Variants in SPAG17 observed in about 807,000 individuals in gnomAD.
SPAG17 encodes sperm-associated antigen 17.
Under a neutral mutation model 273.6 loss-of-function variants are expected in SPAG17, and 169 were observed. The observed-to-expected ratio is 0.62, with a 90% CI of 0.55 to 0.70. The LOEUF is 0.70. Ranked by LOEUF, SPAG17 falls within the 30% of genes least tolerant of loss-of-function variation. The probability of loss-of-function intolerance (pLI) is 0.00; values close to 1 mark genes in which losing one functional copy is unlikely to be tolerated. For synonymous variants in SPAG17, 825 were observed against 873.2 expected (o/e 0.94, Z 0.97); for missense variants, 2,557 against 2,627.8 (o/e 0.97, Z 0.59).
chr1:118,171,763 C>T (rs1242352803), intron 1 of SPAG17, among the ~76,000 whole-genome samples: 1 of 151,962 alleles, frequency 6.6e-6, no homozygotes, highest in East Asian at 1.9e-4. Flanking sequence ...TAGAGAGTGA[C>T]GTAAGAGACC....
chr1:118,046,329 C>A (rs1162951238), intron 20 of SPAG17, among the ~76,000 whole-genome samples: 1 of 151,516 alleles, frequency 6.6e-6, no homozygotes, highest in East Asian at 1.9e-4. Context: ...AGAGTGAGAC[C>A]CTTTTCCCAA....
chr1:118,002,250 G>T (rs1658368650), intron 32 of SPAG17, among the ~76,000 whole-genome samples: 1 of 152,108 alleles, frequency 6.6e-6, no homozygotes. Flanking sequence ...CAATTACGTG[G>T]TCAATTGTAA....
chr1:118,078,996 G>C lies in SPAG17; in HGVS notation c.2209+2105C>G, dbSNP rs566359496. Among the ~76,000 whole-genome samples, 4 of 151,896 alleles carry C rather than the reference G, an allele frequency of 2.6e-5. 1 individual carries two copies. The South Asian group carries it at 8.3e-4, about 32-fold the overall frequency. On this transcript the variant is annotated intron_variant, in intron 15 of 48. Coordinates refer to ENST00000336338, the MANE Select transcript of SPAG17 (RefSeq NM_206996.4). ...ATTTAGAATTTTTGCATCTATGTTC[G>C]TGAATGAGTTTAATTTAATGAATTA...
chr1:118,140,218 G>A (rs1252820780), intron 3 of SPAG17, among the ~76,000 whole-genome samples: 3 of 152,000 alleles, frequency 2.0e-5, no homozygotes, highest in Admixed American at 2.0e-4. Context: ...TACAGACTAA[G>A]ACAATAGTCA....
rs182915609 is a variant in SPAG17 at position 118,105,457 on chromosome 1, C to T, written c.448-3531G>A. 3.4e-3 allele frequency among the ~76,000 whole-genome samples: 511 copies of T among 152,130 alleles called. 5 individuals carry two copies. Among genetic ancestry groups the T allele is most frequent in the Admixed American group, 0.025 (382 of 15,256 alleles). ...AAAATGATGGATCACTGAGTTCATCCTGGGAGGGGTTTTGCGAAATGATTG... is the reference window on the plus strand; with the variant it reads ...AAAATGATGGATCACTGAGTTCATCTTGGGAGGGGTTTTGCGAAATGATTG... On this transcript the variant is annotated intron_variant, in intron 4 of 48. Coordinates refer to ENST00000336338, the MANE Select transcript of SPAG17 (RefSeq NM_206996.4).
Position 118,054,102 on chromosome 1 carries a change from A to G in SPAG17, c.2723-9T>C, listed in dbSNP as rs1226901815. The stretch of plus-strand genomic sequence containing the variant: ...GCTGATTCCTTTGTTACCTATAATC[A>G]GATAAAATTAAACTTCTTAGTAACT... On this transcript the variant is annotated splice_polypyrimidine_tract_variant and intron_variant, in intron 19 of 48. Coordinates refer to ENST00000336338, the MANE Select transcript of SPAG17 (RefSeq NM_206996.4). 6.4e-7 allele frequency: 1 copy of G among 1,567,032 alleles called. No homozygotes were observed. The highest frequency in any genetic ancestry group is 1.4e-5 in the African/African-American group (1 of 73,732).
At position 118,140,110 on chromosome 1, in the gene SPAG17, G is replaced by T. The variant is rs565987489; in HGVS notation, c.315+10433C>A. 1.6e-3 allele frequency among the ~76,000 whole-genome samples: 242 copies of T among 152,196 alleles called. 1 individual carries two copies. The highest frequency in any genetic ancestry group is 5.4e-3 in the African/African-American group (224 of 41,524). ...GGAAGAAGGCTCCCACCAGATGGGTGCCCTTGACCTGAGACTTCTCAGCCT... is the reference window on the plus strand; with the variant it reads ...GGAAGAAGGCTCCCACCAGATGGGTTCCCTTGACCTGAGACTTCTCAGCCT... On this transcript the variant is annotated intron_variant, in intron 3 of 48. Coordinates refer to ENST00000336338, the MANE Select transcript of SPAG17 (RefSeq NM_206996.4).
chr1:118,147,991 G>A (rs115284495), intron 3 of SPAG17, among the ~76,000 whole-genome samples: 1 of 152,130 alleles, frequency 6.6e-6, no homozygotes, highest in Non-Finnish European at 1.5e-5. Context: ...TAAAGCTAAC[G>A]AGAGTACCCT....
intron 28 of SPAG17, among the ~76,000 whole-genome samples, chr1:118,021,426 G>A (rs925667757): frequency 6.6e-6 from 1 of 152,076 alleles, no homozygotes; most frequent in Admixed American, 6.5e-5. Flanking sequence ...TTCAGGATGG[G>A]TGGAATAAGA....
chr1:118,105,145 A>G (rs772015064), intron 4 of SPAG17, among the ~76,000 whole-genome samples: 25 of 152,152 alleles, frequency 1.6e-4, no homozygotes, highest in Admixed American at 3.3e-4. Flanking sequence ...AAACAGAGAC[A>G]TCTTGATGGT....
At chr1:118,034,353 GTGGC>G (rs1648822575) in intron 24 of SPAG17, among the ~76,000 whole-genome samples, 2 of 152,176 alleles carry the variant, frequency 1.3e-5, no homozygotes, top group Non-Finnish European at 2.9e-5. Flanking sequence ...ACAGTCTACT[GTGGC>G]TATACTGAAC....
intron 30 of SPAG17, among the ~76,000 whole-genome samples, chr1:118,008,968 ACTCAATG>A (rs1234911744): frequency 1.3e-5 from 2 of 152,088 alleles, no homozygotes; most frequent in Non-Finnish European, 2.9e-5. Flanking sequence ...TCAATATTAT[ACTCAATG>A]CTGCAAGTCA....
At chr1:118,060,490 AATC>A (rs1652168799) in intron 18 of SPAG17, among the ~76,000 whole-genome samples, 1 of 152,178 alleles carries the variant, frequency 6.6e-6, no homozygotes, top group South Asian at 2.1e-4. Context: ...TCCATTAATG[AATC>A]ATCACAACTA....
Position 118,008,004 on chromosome 1 carries a change from C to T in SPAG17, c.4587+40G>A, listed in dbSNP as rs767903558. On this transcript the variant is annotated intron_variant, in intron 31 of 48. Coordinates refer to ENST00000336338, the MANE Select transcript of SPAG17 (RefSeq NM_206996.4). ...AAGTGGGTTTTCTCAGCTGAATAGA[C>T]ACTCATCTTTGGCGCTTCTCATTTT... 2.5e-6 allele frequency: 4 copies of T among 1,611,450 alleles called. No individual in the cohort carries two copies. In the African/African-American group the frequency reaches 5.3e-5, roughly 22 times the overall value.
chr1:118,039,066 C>T lies in SPAG17; in HGVS notation c.3319+226G>A, dbSNP rs76756102. ...ACTTCTGTTCAATTTCATCATGAAC[C>T]TAAAACTGCTATAAAAAATAAAGTC... On this transcript the variant is annotated intron_variant, in intron 23 of 48. Transcript: ENST00000336338. Among the ~76,000 whole-genome samples, 473 of 152,038 alleles carry T rather than the reference C, an allele frequency of 3.1e-3. 4 individuals carry two copies. The highest frequency in any genetic ancestry group is 0.011 in the African/African-American group (449 of 41,480).
chr1:118,097,220 A>G (rs910065298), intron 7 of SPAG17, among the ~76,000 whole-genome samples: 1 of 140,400 alleles, frequency 7.1e-6, no homozygotes, highest in Non-Finnish European at 1.6e-5. Flanking sequence ...ACAGAGCAAG[A>G]CTGTCTCAAA....
At chr1:117,978,283 C>G (rs1655353234) in intron 43 of SPAG17, among the ~76,000 whole-genome samples, 1 of 152,160 alleles carries the variant, frequency 6.6e-6, no homozygotes. Context: ...TTCCCCACAC[C>G]AAACCTATCA....
At chr1:118,005,145 C>T (rs1421136627) in intron 32 of SPAG17, among the ~76,000 whole-genome samples, 1 of 152,190 alleles carries the variant, frequency 6.6e-6, no homozygotes, top group African/African-American at 2.4e-5. Flanking sequence ...CAGATGTCTG[C>T]TACTGTTTCT....
At chr1:118,152,099 C>T (rs181315407) in intron 1 of SPAG17, among the ~76,000 whole-genome samples, 541 of 152,238 alleles carry the variant, frequency 3.6e-3, no homozygotes, top group Non-Finnish European at 5.8e-3. Flanking sequence ...AAGCTACTCA[C>T]GCAAATCAGT....
Sources: gnomAD v4.1 joint callset for allele counts (sites outside exome capture counted in the v4.1 genomes callset) on GRCh38, gnomAD v4.1.1 for gene constraint, MANE v1.5 for transcripts, NCBI Gene and HGNC (gene_info 2026-07-23, HGNC 2026-07-21) for gene names.